ADAMTS16: variants seen among roughly 807,000 people sequenced by gnomAD.
ADAMTS16 encodes the protein A disintegrin and metalloproteinase with thrombospondin motifs 16.
Under a neutral mutation model 145.8 loss-of-function variants are expected in ADAMTS16, and 94 were observed. That is an observed-to-expected ratio of 0.64 (90% confidence interval 0.55 to 0.77). The LOEUF is 0.77. Ranked by LOEUF, ADAMTS16 falls within the 30% of genes least tolerant of loss-of-function variation. The pLI, the probability that ADAMTS16 is intolerant of heterozygous loss-of-function variation, is 0.00. For missense variants in ADAMTS16, 1,585 were observed against 1,591.5 expected (o/e 1.00, Z 0.07); for synonymous variants, 659 against 604.3 (o/e 1.09, Z -1.33).
At chr5:5,254,516 C>T (rs1737722506) in intron 17 of ADAMTS16, among the ~76,000 whole-genome samples, 2 of 152,092 alleles carry the variant, frequency 1.3e-5, no homozygotes, top group African/African-American at 4.8e-5. Flanking sequence ...GATATACACA[C>T]ATAAACACAC....
intron 20 of ADAMTS16, among the ~76,000 whole-genome samples, chr5:5,305,114 C>A: frequency 1.8e-5 from 1 of 55,920 alleles, no homozygotes; most frequent in Non-Finnish European, 4.5e-5. Context: ...TCCCACACCA[C>A]ACACACACCC....
chr5:5,303,829 C>T (rs1300947635), intron 20 of ADAMTS16, 63 bp downstream of exon 20: 12 of 1,552,752 alleles, frequency 7.7e-6, no homozygotes, highest in Middle Eastern at 2.1e-4. Context: ...TGCCTCTTCT[C>T]TCCTGGTTTT....
At chr5:5,293,132 C>T (rs1739397617) in intron 18 of ADAMTS16, among the ~76,000 whole-genome samples, 1 of 152,318 alleles carries the variant, frequency 6.6e-6, no homozygotes, top group South Asian at 2.1e-4. Flanking sequence ...CAGGAAGATG[C>T]TCTGATGGTG....
rs570968886 is a variant in ADAMTS16 at position 5,176,659 on chromosome 5, TG to T, written c.502-5383del. ...AACAAGGAACATATAGATACAGGAA[TG>T]GTTTTGAGTAAATCCACAGTCAATG... On this transcript the variant is annotated intron_variant, in intron 3 of 22. Coordinates refer to ENST00000274181, the MANE Select transcript of ADAMTS16 (RefSeq NM_139056.4). 4.7e-4 allele frequency among the ~76,000 whole-genome samples: 71 copies of T among 152,322 alleles called. 1 individual carries two copies. Among genetic ancestry groups the T allele is most frequent in the African/African-American group, 1.6e-3 (66 of 41,584 alleles).
At chr5:5,190,162 G>C in intron 7 of ADAMTS16, 32 bp downstream of exon 7, 1 of 1,536,306 alleles carries the variant, frequency 6.5e-7, no homozygotes, top group East Asian at 2.3e-5. Context: ...TGAGGACCGT[G>C]TGTGGAATGT....
chr5:5,298,998 T>C (rs2126503608), intron 18 of ADAMTS16, among the ~76,000 whole-genome samples: 1 of 152,092 alleles, frequency 6.6e-6, no homozygotes, highest in Middle Eastern at 3.4e-3. Flanking sequence ...GCCTAGCGAA[T>C]GCTGTATTCT....
chr5:5,142,650 G>A (rs1238467568), intron 2 of ADAMTS16, among the ~76,000 whole-genome samples: 3 of 152,080 alleles, frequency 2.0e-5, no homozygotes, highest in African/African-American at 7.2e-5. Context: ...TAGACAAGTT[G>A]GTTCTGAAAT....
intron 3 of ADAMTS16, among the ~76,000 whole-genome samples, chr5:5,151,002 CTTCA>C (rs927150147): frequency 2.0e-5 from 3 of 151,992 alleles, no homozygotes; most frequent in African/African-American, 7.2e-5. Flanking sequence ...TTCATTTTTT[CTTCA>C]TTCATTTTTC....
chr5:5,259,227 T>C (rs1737908448), intron 17 of ADAMTS16, among the ~76,000 whole-genome samples: 1 of 152,202 alleles, frequency 6.6e-6, no homozygotes, highest in African/African-American at 2.4e-5. Context: ...CCTGTGCATG[T>C]CTCTGGCCTG....
intron 18 of ADAMTS16, among the ~76,000 whole-genome samples, chr5:5,292,989 G>A (rs1739393310): frequency 6.6e-6 from 1 of 152,172 alleles, no homozygotes; most frequent in Non-Finnish European, 1.5e-5. Context: ...TGCTGTGGAT[G>A]GAGGGCAAGG....
chr5:5,244,641 C>T (rs1159842198), intron 17 of ADAMTS16, among the ~76,000 whole-genome samples: 1 of 152,328 alleles, frequency 6.6e-6, no homozygotes, highest in East Asian at 1.9e-4. Flanking sequence ...TCTTATGTCA[C>T]CCCACCACAG....
chr5:5,263,818 C>T (rs1183734265), intron 18 of ADAMTS16, among the ~76,000 whole-genome samples: 1 of 152,198 alleles, frequency 6.6e-6, no homozygotes, highest in African/African-American at 2.4e-5. Context: ...CAGCTGCCCT[C>T]CACCAGCGGG....
chr5:5,195,177 A>T (rs894247981), intron 8 of ADAMTS16, among the ~76,000 whole-genome samples: 6 of 147,158 alleles, frequency 4.1e-5, no homozygotes. Flanking sequence ...CAGAACTGAG[A>T]TATGTGTTCT....
chr5:5,289,898 T>G lies in ADAMTS16; in HGVS notation c.2790-13370T>G, dbSNP rs1178686157. 3.3e-5 allele frequency among the ~76,000 whole-genome samples: 5 copies of G among 152,214 alleles called. No homozygotes were observed. In the East Asian group the frequency reaches 9.6e-4, roughly 29 times the overall value. Reference sequence around the variant, plus strand: ...AGCATCCTCCAGCAAAATGAGTGTCTTAATCAAAAGTGCTGTCTCTACATC... The same window carrying G: ...AGCATCCTCCAGCAAAATGAGTGTCGTAATCAAAAGTGCTGTCTCTACATC... On this transcript the variant is annotated intron_variant, in intron 18 of 22. Transcript: ENST00000274181.
chr5:5,227,923 G>A (rs2126359555), intron 11 of ADAMTS16, among the ~76,000 whole-genome samples: 2 of 152,222 alleles, frequency 1.3e-5, no homozygotes, highest in South Asian at 4.1e-4. Flanking sequence ...ATGCGATGAG[G>A]GACATGTCTA....
chr5:5,306,287 T>A (rs1740150054), intron 20 of ADAMTS16, among the ~76,000 whole-genome samples: 1 of 152,200 alleles, frequency 6.6e-6, no homozygotes, highest in African/African-American at 2.4e-5. Flanking sequence ...GCCCTGCCCC[T>A]ACTTATGCCC....
chr5:5,178,183 T>C (rs2126553869), intron 3 of ADAMTS16, among the ~76,000 whole-genome samples: 1 of 152,326 alleles, frequency 6.6e-6, no homozygotes, highest in Non-Finnish European at 1.5e-5. Flanking sequence ...CACATATTCG[T>C]TCGTTTCTTA....
intron 18 of ADAMTS16, among the ~76,000 whole-genome samples, chr5:5,278,915 CCAAA>C (rs962245420): frequency 5.6e-4 from 85 of 151,810 alleles, no homozygotes; most frequent in African/African-American, 2.0e-3. Context: ...AAAAAACCAA[CCAAA>C]CAAACAAAAA....
chr5:5,143,788 T>G (rs1399792077), intron 2 of ADAMTS16, among the ~76,000 whole-genome samples: 1 of 152,106 alleles, frequency 6.6e-6, no homozygotes, highest in East Asian at 1.9e-4. Flanking sequence ...ACCATGGAAT[T>G]CTATGCAGCC....
Sources: gnomAD v4.1 joint callset for allele counts (sites outside exome capture counted in the v4.1 genomes callset) on GRCh38, gnomAD v4.1.1 for gene constraint, MANE v1.5 for transcripts, NCBI Gene and HGNC (gene_info 2026-07-23, HGNC 2026-07-21) for gene names.